NXPE2: variants seen among roughly 807,000 people sequenced by gnomAD.
The protein encoded by NXPE2 is NXPE family member 2.
A neutral mutation model predicts 34.4 loss-of-function variants in NXPE2; 34 were observed. The observed-to-expected ratio is 0.99, with a 90% CI of 0.75 to 1.31. The LOEUF (loss-of-function observed/expected upper bound fraction) is 1.31. Among genes scored for constraint, NXPE2 ranks in the 40% most tolerant of loss-of-function variants. NXPE2 has a pLI of 0.00. For missense variants in NXPE2, 649 were observed against 672.5 expected, an observed-to-expected ratio of 0.97 and a Z score of 0.39; for synonymous variants, 235 against 231.3, an observed-to-expected ratio of 1.02 and a Z score of -0.15.
the NXPE2 span, among the ~76,000 whole-genome samples, chr11:114,799,847 C>T: frequency 1.2e-4 from 18 of 150,978 alleles, no homozygotes; most frequent in Admixed American, 4.0e-4. Flanking sequence ...TTAACAGTTC[C>T]CCTCCCTCCC....
At chr11:114,704,190 T>C in intron 4 of NXPE2, 138 bp downstream of exon 4, 2 of 632,960 alleles carry the variant, frequency 3.2e-6, no homozygotes, top group Non-Finnish European at 5.4e-6. Flanking sequence ...CCTTGGGTTT[T>C]AGAGAAGGGA....
At chr11:114,689,829 C>T (rs1045010347) in intron 2 of NXPE2, among the ~76,000 whole-genome samples, 1 of 152,046 alleles carries the variant, frequency 6.6e-6, no homozygotes, top group African/African-American at 2.4e-5. Flanking sequence ...TAAATTGAAC[C>T]TTTATCATTA....
chr11:114,701,194 G>A (rs1361672154), intron 3 of NXPE2, among the ~76,000 whole-genome samples: 1 of 152,128 alleles, frequency 6.6e-6, no homozygotes, highest in Non-Finnish European at 1.5e-5. Context: ...TTCCTGTCTT[G>A]AAGGTCTCAG....
At chr11:114,625,711 C>T in the NXPE2 span, among the ~76,000 whole-genome samples, 2 of 152,142 alleles carry the variant, frequency 1.3e-5, no homozygotes, top group African/African-American at 2.4e-5. Flanking sequence ...TCTACAGCTC[C>T]CAGCATGAGC....
chr11:114,467,968 C>T, the NXPE2 span, among the ~76,000 whole-genome samples: 1 of 151,512 alleles, frequency 6.6e-6, no homozygotes, highest in Non-Finnish European at 1.5e-5. Flanking sequence ...AACAAAAAAA[C>T]AGATCCCTAA....
chr11:114,633,980 T>C, the NXPE2 span, among the ~76,000 whole-genome samples: 1 of 151,980 alleles, frequency 6.6e-6, no homozygotes, highest in African/African-American at 2.4e-5. Context: ...ATATACCCAG[T>C]AATGGGATGG....
chr11:114,614,228 C>T, the NXPE2 span, among the ~76,000 whole-genome samples: 3 of 151,880 alleles, frequency 2.0e-5, no homozygotes, highest in Admixed American at 6.6e-5. Context: ...AGTGTTGCCT[C>T]GTGGGTAACC....
At chr11:114,626,263 C>A in the NXPE2 span, among the ~76,000 whole-genome samples, 1 of 152,230 alleles carries the variant, frequency 6.6e-6, no homozygotes, top group South Asian at 2.1e-4. Context: ...CCTCTGCAGA[C>A]TTAAATGTCC....
chr11:114,584,428 AG>A, the NXPE2 span: 1 of 236,702 alleles, frequency 4.2e-6, no homozygotes, highest in Non-Finnish European at 8.7e-6. Flanking sequence ...GTCCCTCAAG[AG>A]GGTGGCGATG....
chr11:114,652,016 A>G, the NXPE2 span, among the ~76,000 whole-genome samples: 1 of 152,224 alleles, frequency 6.6e-6, no homozygotes, highest in Non-Finnish European at 1.5e-5. Context: ...TTGAAACTCA[A>G]TTGGAACTCC....
chr11:114,563,891 C>G, the NXPE2 span, among the ~76,000 whole-genome samples: 1 of 152,104 alleles, frequency 6.6e-6, no homozygotes, highest in Non-Finnish European at 1.5e-5. Context: ...ACTAGTACAA[C>G]CATTGTGGAA....
the NXPE2 span, among the ~76,000 whole-genome samples, chr11:114,577,881 A>G: frequency 6.6e-6 from 1 of 152,142 alleles, no homozygotes; most frequent in African/African-American, 2.4e-5. Context: ...GATAATATTA[A>G]GTGCCATATC....
the NXPE2 span, among the ~76,000 whole-genome samples, chr11:114,606,318 C>T: frequency 1.3e-5 from 2 of 151,250 alleles, no homozygotes; most frequent in Non-Finnish European, 2.9e-5. Context: ...ACCAGTGTTA[C>T]CCAGTGGATA....
chr11:114,722,979 A>ACTTTTTT, the NXPE2 span, among the ~76,000 whole-genome samples: 3 of 152,204 alleles, frequency 2.0e-5, no homozygotes, highest in Non-Finnish European at 4.4e-5. Context: ...GAAAAAAGGA[A>ACTTTTTT]CTTGCAGGAT....
At chr11:114,554,292 G>A in the NXPE2 span, 1 of 975,792 alleles carries the variant, frequency 1.0e-6, no homozygotes, top group Non-Finnish European at 1.2e-6. Flanking sequence ...TGATATGTAA[G>A]CAGAGGCCAT....
At chr11:114,605,661 T>C in the NXPE2 span, among the ~76,000 whole-genome samples, 1 of 151,788 alleles carries the variant, frequency 6.6e-6, no homozygotes, top group African/African-American at 2.4e-5. Flanking sequence ...TGGTGGATAA[T>C]ACATGTTGCC....
In NXPE2 at chr11:114,698,658, A is replaced by G. The variant is rs746559078; in HGVS notation, c.746A>G (p.Asp249Gly). ...AELCQYMDDR[D>G]QEAFYCVRPQ... The stretch of plus-strand genomic sequence containing the variant: ...CTGTGCCAGTACATGGATGACAGAG[A>G]CCAAGAAGCCTTCTACTGTGTGAGG... The change falls in exon 3 of 6, where the codon GAC becomes GGC. Residue 249 changes from aspartate (D) to glycine (G), a missense_variant. Physicochemically the swap from Asp to Gly is moderately conservative, Grantham distance 94. Coordinates refer to ENST00000389586, the MANE Select transcript of NXPE2 (RefSeq NM_182495.6). 2.5e-6 allele frequency: 4 copies of G among 1,614,204 alleles called. No homozygotes were observed. Among genetic ancestry groups the G allele is most frequent in the South Asian group, 2.2e-5 (2 of 91,078 alleles).
chr11:114,466,367 G>A, the NXPE2 span, among the ~76,000 whole-genome samples: 1 of 152,080 alleles, frequency 6.6e-6, no homozygotes, highest in African/African-American at 2.4e-5. Flanking sequence ...TTACAGAATA[G>A]ACTATGATTT....
chr11:114,472,349 C>T, the NXPE2 span, among the ~76,000 whole-genome samples: 1 of 151,972 alleles, frequency 6.6e-6, no homozygotes, highest in Non-Finnish European at 1.5e-5. Flanking sequence ...TTGTCTTGGG[C>T]CACACATAAA....
Sources: allele counts gnomAD v4.1 joint callset (sites outside exome capture counted in the v4.1 genomes callset), GRCh38; gene constraint gnomAD v4.1.1; transcripts MANE v1.5; gene names NCBI Gene and HGNC (gene_info 2026-07-23, HGNC 2026-07-21).